The following CDH12 variants were observed in gnomAD, a reference collection of about 807,000 sequenced individuals.
CDH12 encodes the protein cadherin-12.
CDH12 carries 41 observed loss-of-function variants against 74.1 expected under a neutral mutation model. That is an observed-to-expected ratio of 0.55 (90% confidence interval 0.43 to 0.72). The LOEUF (loss-of-function observed/expected upper bound fraction) is 0.72. Ranked by LOEUF, CDH12 falls within the 30% of genes least tolerant of loss-of-function variation. The pLI is 0.00. For missense variants in CDH12, 945 were observed against 977.2 expected, an observed-to-expected ratio of 0.97 and a Z score of 0.44; for synonymous variants, 399 against 355.0, an observed-to-expected ratio of 1.12 and a Z score of -1.39.
At chr5:22,127,707 T>C (rs1208948681) in intron 4 of CDH12, among the ~76,000 whole-genome samples, 1 of 152,214 alleles carries the variant, frequency 6.6e-6, no homozygotes, top group African/African-American at 2.4e-5. Flanking sequence ...TAAATGATTA[T>C]GCAAAAGAAG....
intron 4 of CDH12, among the ~76,000 whole-genome samples, chr5:22,155,234 C>T (rs1230222626): frequency 1.3e-5 from 2 of 151,934 alleles, no homozygotes; most frequent in Non-Finnish European, 2.9e-5. Flanking sequence ...TGTAACATGA[C>T]CAAATAATGA....
rs138205865 is a variant in CDH12, at chr5:22,505,673, A to C, written c.-522-309T>G. 2.3e-3 allele frequency among the ~76,000 whole-genome samples: 347 copies of C among 152,104 alleles called. 2 individuals carry two copies. Among genetic ancestry groups the C allele is most frequent in the African/African-American group, 8.0e-3 (332 of 41,530 alleles). On this transcript the variant is annotated intron_variant, in intron 1 of 14. Coordinates refer to ENST00000382254, the MANE Select transcript of CDH12 (RefSeq NM_004061.5). ...ATTGAGTTCACTAGTTTTTCTCCTA[A>C]TGTCATTTTCTATTCCAGGATATCA...
intron 13 of CDH12, among the ~76,000 whole-genome samples, chr5:21,757,654 C>T (rs1254256370): frequency 1.3e-5 from 2 of 152,102 alleles, no homozygotes; most frequent in Non-Finnish European, 2.9e-5. Flanking sequence ...CATGTCTAGT[C>T]CATGAGAAAG....
At chr5:22,298,612 T>G (rs964915176) in intron 3 of CDH12, among the ~76,000 whole-genome samples, 1 of 152,138 alleles carries the variant, frequency 6.6e-6, no homozygotes, top group African/African-American at 2.4e-5. Context: ...AAAACTAATA[T>G]CTTCTCAAGA....
chr5:22,023,699 A>T (rs999095024), intron 5 of CDH12, among the ~76,000 whole-genome samples: 25 of 152,164 alleles, frequency 1.6e-4, no homozygotes, highest in Non-Finnish European at 2.9e-5. Context: ...AAGATAAAAA[A>T]TGTGTTCAAG....
At chr5:22,292,491 C>T (rs564172431) in intron 3 of CDH12, among the ~76,000 whole-genome samples, 235 of 151,832 alleles carry the variant, frequency 1.5e-3, no homozygotes, top group Admixed American at 5.6e-3. Flanking sequence ...CTGCAAATTA[C>T]ACATCTGATA....
chr5:22,180,445 T>C (rs904885207), intron 4 of CDH12, among the ~76,000 whole-genome samples: 3 of 152,158 alleles, frequency 2.0e-5, no homozygotes, highest in Admixed American at 2.0e-4. Context: ...GACTATCCTT[T>C]TGCCAAAGTT....
At chr5:21,902,149 GA>G (rs1161025863) in intron 6 of CDH12, among the ~76,000 whole-genome samples, 2 of 151,876 alleles carry the variant, frequency 1.3e-5, no homozygotes, top group African/African-American at 2.4e-5. Flanking sequence ...CTATCTTAGA[GA>G]TATGTTGCCT....
At chr5:22,605,210 A>G (rs561652541) in intron 1 of CDH12, among the ~76,000 whole-genome samples, 1 of 152,250 alleles carries the variant, frequency 6.6e-6, no homozygotes, top group Admixed American at 6.5e-5. Context: ...TGTACTGTGC[A>G]CTCCGAGGCG....
At chr5:22,427,021 C>T (rs1440850142) in intron 2 of CDH12, among the ~76,000 whole-genome samples, 2 of 152,106 alleles carry the variant, frequency 1.3e-5, no homozygotes, top group Admixed American at 6.6e-5. Context: ...CTTTTCTCTT[C>T]CCCTCTTTCC....
At chr5:22,549,943 A>C (rs1276487052) in intron 1 of CDH12, among the ~76,000 whole-genome samples, 1 of 152,288 alleles carries the variant, frequency 6.6e-6, no homozygotes, top group African/African-American at 2.4e-5. Flanking sequence ...TGTTTCATTC[A>C]GTTTCTCTCT....
chr5:22,003,126 G>C (rs1736700751), intron 5 of CDH12, among the ~76,000 whole-genome samples: 2 of 151,878 alleles, frequency 1.3e-5, no homozygotes, highest in African/African-American at 4.8e-5. Flanking sequence ...AATGGAATTT[G>C]CTTTTATAAA....
chr5:22,808,497 A>G (rs1748933441), intron 1 of CDH12, among the ~76,000 whole-genome samples: 1 of 152,112 alleles, frequency 6.6e-6, no homozygotes. Context: ...CTGTTTTAGT[A>G]TAGATTTTAT....
intron 5 of CDH12, among the ~76,000 whole-genome samples, chr5:21,981,583 G>A (rs116409146): frequency 0.02 from 3,075 of 152,074 alleles, 28 homozygotes; most frequent in Non-Finnish European, 0.026. Flanking sequence ...ACACCTTTAC[G>A]CTTCCCCTTA....
intron 6 of CDH12, among the ~76,000 whole-genome samples, chr5:21,946,752 C>T (rs1248953050): frequency 6.6e-6 from 1 of 152,180 alleles, no homozygotes; most frequent in African/African-American, 2.4e-5. Context: ...TATAGTCTAA[C>T]ATATTTCTCA....
At chr5:22,600,648 G>C (rs187053452) in intron 1 of CDH12, among the ~76,000 whole-genome samples, 1 of 151,596 alleles carries the variant, frequency 6.6e-6, no homozygotes, top group African/African-American at 2.4e-5. Flanking sequence ...TATGTATTTG[G>C]TATTATTGAT....
At chr5:21,792,646 C>T (rs1454254377) in intron 10 of CDH12, among the ~76,000 whole-genome samples, 6 of 137,088 alleles carry the variant, frequency 4.4e-5, no homozygotes, top group African/African-American at 8.1e-5. Flanking sequence ...CGGTTTCTTA[C>T]GGAACTGGAA....
intron 5 of CDH12, among the ~76,000 whole-genome samples, chr5:22,054,889 T>A (rs926381444): frequency 2.0e-5 from 3 of 152,286 alleles, no homozygotes; most frequent in African/African-American, 4.8e-5. Flanking sequence ...AATGGGCATA[T>A]CCTGGGCAAA....
At chr5:22,631,710 T>C (rs1163935683) in intron 1 of CDH12, among the ~76,000 whole-genome samples, 1 of 152,190 alleles carries the variant, frequency 6.6e-6, no homozygotes, top group Non-Finnish European at 1.5e-5. Flanking sequence ...ATAGGAAGCA[T>C]GATTCTGGCA....
Sources: gnomAD v4.1 joint callset for allele counts (sites outside exome capture counted in the v4.1 genomes callset) on GRCh38, gnomAD v4.1.1 for gene constraint, MANE v1.5 for transcripts, NCBI Gene and HGNC (gene_info 2026-07-23, HGNC 2026-07-21) for gene names.